Variants in CDC25C observed in about 807,000 individuals in gnomAD.
CDC25C encodes cell division cycle 25C.
In CDC25C, 48 loss-of-function variants were observed where a neutral mutation model predicts 52.5. The observed-to-expected ratio is 0.91, with a 90% CI of 0.72 to 1.16. The LOEUF is 1.16. Ranked by LOEUF, CDC25C falls within the 50% of genes most tolerant of loss-of-function variation. The probability of loss-of-function intolerance (pLI) is 0.00; values close to 1 mark genes in which losing one functional copy is unlikely to be tolerated. For synonymous variants in CDC25C, 187 were observed against 206.5 expected (o/e 0.91, Z 0.81); for missense variants, 510 against 566.1 (o/e 0.90, Z 1.01).
At chr5:138,325,345 G>A (rs1439595176) in intron 6 of CDC25C, among the ~76,000 whole-genome samples, 3 of 152,042 alleles carry the variant, frequency 2.0e-5, no homozygotes, top group African/African-American at 4.8e-5. Flanking sequence ...TTGGAACGAC[G>A]GATGGCCTAA....
chr5:138,314,508 C>A (rs528478689), intron 7 of CDC25C, among the ~76,000 whole-genome samples: 138 of 151,760 alleles, frequency 9.1e-4, no homozygotes, highest in African/African-American at 3.2e-3. Context: ...GTTGGCCAGG[C>A]TGGTCTAGAA....
intron 7 of CDC25C, among the ~76,000 whole-genome samples, chr5:138,292,480 CAA>C (rs70982703): frequency 3.1e-5 from 2 of 63,510 alleles, no homozygotes; most frequent in African/African-American, 6.8e-5. Flanking sequence ...GTTATGTGAC[CAA>C]AAAAAAAAAA....
chr5:138,320,049 G>A (rs547059862), intron 6 of CDC25C, among the ~76,000 whole-genome samples: 4 of 152,332 alleles, frequency 2.6e-5, no homozygotes, highest in African/African-American at 9.6e-5. Context: ...GCTCACGCCT[G>A]TAATCCCAGT....
upstream of CDC25C, chr5:138,332,297 C>T (rs925488054): frequency 1.3e-5 from 2 of 152,228 alleles, no homozygotes; most frequent in African/African-American, 4.8e-5. Flanking sequence ...TGCTGGCCTT[C>T]CACGGGAGAT....
chr5:138,324,800 G>A (rs533791916), intron 6 of CDC25C, among the ~76,000 whole-genome samples: 1 of 151,992 alleles, frequency 6.6e-6, no homozygotes, highest in African/African-American at 2.4e-5. Context: ...GCCAGGCAGT[G>A]GCTCACACCT....
At chr5:138,302,239 C>T (rs978811860) in intron 7 of CDC25C, among the ~76,000 whole-genome samples, 2 of 151,680 alleles carry the variant, frequency 1.3e-5, no homozygotes, top group Admixed American at 6.6e-5. Context: ...TCGAGTGATC[C>T]ACCTGCCTCA....
chr5:138,300,075 C>T (rs915313946), intron 7 of CDC25C, among the ~76,000 whole-genome samples: 6 of 152,094 alleles, frequency 3.9e-5, no homozygotes, highest in Non-Finnish European at 7.4e-5. Flanking sequence ...TGGTGTGCAC[C>T]GGTAGTCTTA....
intron 1 of CDC25C, chr5:138,337,925 G>T (rs754020278): frequency 7.8e-7 from 1 of 1,281,158 alleles, no homozygotes. Context: ...CCGTTGGAGG[G>T]AGGGAGGGCA....
At chr5:138,319,696 TAAC>T (rs769723957) in intron 6 of CDC25C, among the ~76,000 whole-genome samples, 4 of 152,220 alleles carry the variant, frequency 2.6e-5, no homozygotes, top group East Asian at 1.9e-4. Context: ...TACAACTCAG[TAAC>T]AACAACAATA....
intron 7 of CDC25C, among the ~76,000 whole-genome samples, chr5:138,317,698 A>AC (rs1171018566): frequency 2.7e-5 from 4 of 150,760 alleles, no homozygotes; most frequent in Non-Finnish European, 3.0e-5. Flanking sequence ...AAAAAAAAAA[A>AC]AAAAAAAAAC....
chr5:138,330,702 T>C (rs1249167067), intron 2 of CDC25C, among the ~76,000 whole-genome samples: 3 of 152,298 alleles, frequency 2.0e-5, no homozygotes, highest in Non-Finnish European at 2.9e-5. Flanking sequence ...AGAGACGGCG[T>C]CTTGCCATGT....
At chr5:138,334,539 A>T (rs1316209877), upstream of CDC25C, among the ~76,000 whole-genome samples, 1 of 150,416 alleles carries the variant, frequency 6.6e-6, no homozygotes, top group Non-Finnish European at 1.5e-5. Context: ...TTTAGTTGAG[A>T]CAGGGTTTCG....
chr5:138,334,190 T>C (rs1760573491), upstream of CDC25C, among the ~76,000 whole-genome samples: 3 of 152,040 alleles, frequency 2.0e-5, no homozygotes, highest in South Asian at 6.2e-4. Flanking sequence ...CACCTCGGCC[T>C]CCCAAAGTGC....
chr5:138,332,153 A>C (rs1760446899), upstream of CDC25C: 1 of 152,538 alleles, frequency 6.6e-6, no homozygotes, highest in Non-Finnish European at 1.5e-5. Flanking sequence ...GGAGATTTAA[A>C]CCGCGCCTTA....
chr5:138,286,589 G>T lies in CDC25C; in HGVS notation c.1068C>A (p.Phe356Leu). ...NLYSQEELFNFFLKKPIVPLD... is the reference protein window; with the variant it reads ...NLYSQEELFNLFLKKPIVPLD... Reference sequence around the variant, plus strand: ...AAGGGACGATGGGCTTCTTCAGAAAGAAGTTAAACAGTTCTTCCTGACTAT... The same window carrying T: ...AAGGGACGATGGGCTTCTTCAGAAATAAGTTAAACAGTTCTTCCTGACTAT... Residue 356 changes from phenylalanine to leucine, a missense_variant, in exon 12 of 14, where the codon TTC becomes TTA. Coordinates refer to ENST00000323760, the MANE Select transcript of CDC25C (RefSeq NM_001790.5). 2 of 1,613,792 alleles carry T rather than the reference G, an allele frequency of 1.2e-6. No individual in the cohort carries two copies. Among genetic ancestry groups the T allele is most frequent in the South Asian group, 2.2e-5 (2 of 91,042 alleles).
chr5:138,297,256 C>T (rs1254360501), intron 7 of CDC25C, among the ~76,000 whole-genome samples: 3 of 151,788 alleles, frequency 2.0e-5, no homozygotes, highest in African/African-American at 7.3e-5. Context: ...AGACAGGGTT[C>T]AACTGTGTTG....
intron 7 of CDC25C, among the ~76,000 whole-genome samples, chr5:138,317,902 T>C (rs1364295820): frequency 6.6e-6 from 1 of 152,174 alleles, no homozygotes; most frequent in Non-Finnish European, 1.5e-5. Flanking sequence ...ATTACCATTA[T>C]CCTGGAGACA....
intron 7 of CDC25C, among the ~76,000 whole-genome samples, chr5:138,308,769 G>A (rs1233752971): frequency 6.6e-6 from 1 of 151,934 alleles, no homozygotes; most frequent in Non-Finnish European, 1.5e-5. Flanking sequence ...AGAACATAAC[G>A]CTCAAAATTT....
At chr5:138,290,368 C>A (rs989385271) in intron 9 of CDC25C, among the ~76,000 whole-genome samples, 1 of 152,042 alleles carries the variant, frequency 6.6e-6, no homozygotes, top group Non-Finnish European at 1.5e-5. Context: ...CTGTAACAAC[C>A]AAGTATTATT....
Sources: allele counts gnomAD v4.1 joint callset (sites outside exome capture counted in the v4.1 genomes callset), GRCh38; gene constraint gnomAD v4.1.1; transcripts MANE v1.5; gene names NCBI Gene and HGNC (gene_info 2026-07-23, HGNC 2026-07-21).